Variants in PRKAR1B observed in about 807,000 individuals in gnomAD.
PRKAR1B encodes protein kinase cAMP-dependent type I regulatory subunit beta, also known as cAMP-dependent protein kinase type I-beta regulatory subunit.
PRKAR1B carries 22 observed loss-of-function variants against 46.5 expected under a neutral mutation model. The observed-to-expected ratio is 0.47, with a 90% confidence interval of 0.34 to 0.68. The LOEUF (loss-of-function observed/expected upper bound fraction) is 0.68, where lower values mean the gene tolerates loss of function less well. Among genes scored for constraint, PRKAR1B ranks in the 30% least tolerant of loss-of-function variants. The probability of loss-of-function intolerance (pLI) is 0.01; values close to 1 mark genes in which losing one functional copy is unlikely to be tolerated. For synonymous variants in PRKAR1B, 259 were observed against 217.7 expected, an observed-to-expected ratio of 1.19 and a Z score of -1.67; for missense variants, 445 against 535.6, an observed-to-expected ratio of 0.83 and a Z score of 1.67.
chr7:583,668 C>A (rs1196432615), intron 8 of PRKAR1B, among the ~76,000 whole-genome samples: 1 of 133,434 alleles, frequency 7.5e-6, no homozygotes, highest in Non-Finnish European at 1.6e-5. Context: ...GCGCACACAC[C>A]CACACACAAC....
intron 9 of PRKAR1B, among the ~76,000 whole-genome samples, chr7:562,528 G>C (rs1319677567): frequency 6.6e-6 from 1 of 152,192 alleles, no homozygotes; most frequent in Non-Finnish European, 1.5e-5. Flanking sequence ...GCAGAGCCTG[G>C]AACGCGTCCC....
At chr7:657,028 A>C (rs985862218) in intron 4 of PRKAR1B, among the ~76,000 whole-genome samples, 12 of 150,632 alleles carry the variant, frequency 8.0e-5, no homozygotes, top group African/African-American at 2.9e-4. Context: ...TGGATGAATG[A>C]ATGAATGAGT....
rs1348917464 is a variant in PRKAR1B at position 685,303 on chromosome 7, T to C, written c.178-4577A>G. Among the ~76,000 whole-genome samples, 18 of 14,252 alleles carry C rather than the reference T, an allele frequency of 1.3e-3. 2 individuals carry two copies. Among genetic ancestry groups the C allele is most frequent in the South Asian group, 6.4e-3 (2 of 312 alleles). The allele number at this position is 14,252 out of a possible 152,430, so 9.3% of individuals were successfully genotyped here. ...ACGTATATATATGTATACATATATA[T>C]ATACGTATATATACGTATATATACG... On this transcript the variant is annotated intron_variant, in intron 2 of 10. Transcript: ENST00000537384.
At chr7:611,355 C>G (rs1359010204) in intron 4 of PRKAR1B, among the ~76,000 whole-genome samples, 3 of 152,234 alleles carry the variant, frequency 2.0e-5, no homozygotes, top group African/African-American at 7.2e-5. Context: ...CCACCCCCAG[C>G]TCTCTCTGGG....
In PRKAR1B at chr7:667,423, C is replaced by G. The variant is rs1453310729; in HGVS notation, c.440+9806G>C. Among the ~76,000 whole-genome samples, 6 of 152,176 alleles carry G rather than the reference C, an allele frequency of 3.9e-5. No homozygotes were observed. Among genetic ancestry groups the G allele is most frequent in the African/African-American group, 1.2e-4 (5 of 41,426 alleles). ...AGATGTTTTAAACACACCTTAAATT[C>G]TGTGGTATCTGAGTGAGATTGTGTG... is the stretch of plus-strand genomic sequence containing the variant. On this transcript the variant is annotated intron_variant, in intron 4 of 10. Transcript: ENST00000537384. The surrounding 1 kb of genome is among the most constrained non-coding windows in gnomAD (Gnocchi z 4.3).
chr7:590,806 T>C (rs1230495264), intron 7 of PRKAR1B, among the ~76,000 whole-genome samples: 2 of 151,904 alleles, frequency 1.3e-5, no homozygotes, highest in Non-Finnish European at 2.9e-5. Context: ...AGACGGCACT[T>C]CTCCACCCGC....
At chr7:633,316 A>G (rs1057341697) in intron 4 of PRKAR1B, among the ~76,000 whole-genome samples, 3 of 152,226 alleles carry the variant, frequency 2.0e-5, no homozygotes, top group African/African-American at 2.4e-5. Context: ...GCAAATCGAC[A>G]CAGAAAATAT....
chr7:551,779 G>A (rs1291551295), intron 9 of PRKAR1B, among the ~76,000 whole-genome samples: 40 of 105,652 alleles, frequency 3.8e-4, no homozygotes, highest in African/African-American at 7.4e-4. Flanking sequence ...TCCTTCCCTC[G>A]GAGCCACTGC....
At chr7:622,885 C>T (rs1326500293) in intron 4 of PRKAR1B, among the ~76,000 whole-genome samples, 1 of 151,542 alleles carries the variant, frequency 6.6e-6, no homozygotes, top group Non-Finnish European at 1.5e-5. Flanking sequence ...CTCAGTCTGT[C>T]CTCCTTTAGA....
intron 1 of PRKAR1B, among the ~76,000 whole-genome samples, chr7:713,571 G>A (rs977690436): frequency 4.2e-4 from 57 of 136,042 alleles, no homozygotes; most frequent in African/African-American, 1.5e-3. Flanking sequence ...CCACACTCAC[G>A]TATACACACT....
At chr7:641,832 TTTA>T (rs1784404437) in intron 4 of PRKAR1B, among the ~76,000 whole-genome samples, 2 of 152,202 alleles carry the variant, frequency 1.3e-5, no homozygotes, top group African/African-American at 2.4e-5. Flanking sequence ...TTTATTTACT[TTTA>T]TTATCACTAT....
intron 9 of PRKAR1B, among the ~76,000 whole-genome samples, chr7:566,423 TCAC>T (rs1470463682): frequency 1.4e-5 from 2 of 148,116 alleles, no homozygotes; most frequent in South Asian, 2.2e-4. Context: ...ATTATCACCA[TCAC>T]CACCATCACC....
chr7:725,141 G>C lies in PRKAR1B; in HGVS notation c.-23+2069C>G, dbSNP rs181766890. Among the ~76,000 whole-genome samples the C allele has an allele frequency of 2.6e-3, 400 of 151,704 alleles. 2 individuals carry two copies. Among genetic ancestry groups the C allele is most frequent in the Middle Eastern group, 0.01 (3 of 294 alleles). Reference sequence around the variant, plus strand: ...AGGCAGGAGAATGGCATGAACCTGGGAGGCAGAGTCTGCAGTGAGCGGAGA... The same window carrying C: ...AGGCAGGAGAATGGCATGAACCTGGCAGGCAGAGTCTGCAGTGAGCGGAGA... On this transcript the variant is annotated intron_variant, in intron 1 of 10. Coordinates refer to ENST00000537384, the MANE Select transcript of PRKAR1B (RefSeq NM_001164760.2).
At chr7:726,623 C>A (rs1039180519) in intron 1 of PRKAR1B, 106 of 978,624 alleles carry the variant, frequency 1.1e-4, no homozygotes, top group Middle Eastern at 7.2e-4. Context: ...GGAAGTAGCC[C>A]GGCGCCCCGC....
intron 7 of PRKAR1B, among the ~76,000 whole-genome samples, chr7:588,667 CAGTGGTGATGACGATGATGGT>C (rs1780762665): frequency 1.1e-4 from 13 of 120,108 alleles, no homozygotes; most frequent in African/African-American, 4.6e-4. Context: ...AGGATAGTGA[CAGTGGTGATGACGATGATGGT>C]GATGGTGGTG....
rs1562601185 is a variant in PRKAR1B, at chr7:667,214, G to T, written c.440+10015C>A. Reference sequence around the variant, plus strand: ...TGGTGGGGATGGTGATGATGGTAATGGTGATGACTATGATGGTGATGATAA... The same window carrying T: ...TGGTGGGGATGGTGATGATGGTAATTGTGATGACTATGATGGTGATGATAA... On this transcript the variant is annotated intron_variant, in intron 4 of 10. Coordinates refer to ENST00000537384, the MANE Select transcript of PRKAR1B (RefSeq NM_001164760.2). This position sits in a 1 kb window ranked among gnomAD's most constrained non-coding sequence, Gnocchi z 4.3. Among the ~76,000 whole-genome samples the T allele has an allele frequency of 2.0e-5, 3 of 152,254 alleles. No homozygotes were observed. Among genetic ancestry groups the T allele is most frequent in the East Asian group, 3.9e-4 (2 of 5,184 alleles).
chr7:714,068 C>G lies in PRKAR1B; in HGVS notation c.-22-2541G>C, dbSNP rs975380303. ...ACCAGCAGTACCATCACGTGCTCCC[C>G]GCGGCCCCTCCACTCCCTCCTCCTC... is the stretch of plus-strand genomic sequence containing the variant. On this transcript the variant is annotated intron_variant, in intron 1 of 10. Coordinates refer to ENST00000537384, the MANE Select transcript of PRKAR1B (RefSeq NM_001164760.2). This position sits in a 1 kb window ranked among gnomAD's most constrained non-coding sequence, Gnocchi z 4.3. 2.6e-5 allele frequency among the ~76,000 whole-genome samples: 4 copies of G among 152,178 alleles called. No homozygotes were observed. Among genetic ancestry groups the G allele is most frequent in the Non-Finnish European group, 4.4e-5 (3 of 68,028 alleles).
chr7:583,289 G>T (rs186174774), intron 8 of PRKAR1B, among the ~76,000 whole-genome samples: 1 of 152,074 alleles, frequency 6.6e-6, no homozygotes, highest in Non-Finnish European at 1.5e-5. Context: ...GAGAGAACAG[G>T]GGTCAAAGTC....
chr7:600,899 G>C (rs779762703), intron 6 of PRKAR1B, among the ~76,000 whole-genome samples: 1 of 152,248 alleles, frequency 6.6e-6, no homozygotes, highest in Non-Finnish European at 1.5e-5. Flanking sequence ...TTTATACTTA[G>C]AAAAATGGAT....
Sources: allele counts gnomAD v4.1 joint callset (sites outside exome capture counted in the v4.1 genomes callset), GRCh38; gene constraint gnomAD v4.1.1; non-coding constraint Gnocchi (gnomAD v3.1); transcripts MANE v1.5; gene names NCBI Gene and HGNC (gene_info 2026-07-23, HGNC 2026-07-21).